The following PSD2 variants were observed in gnomAD, a reference collection of about 807,000 sequenced individuals.
PSD2 encodes PH and SEC7 domain-containing protein 2.
In PSD2, 38 loss-of-function variants were observed where a neutral mutation model predicts 69.8. That is an observed-to-expected ratio of 0.54 (90% CI 0.42 to 0.71). The LOEUF (loss-of-function observed/expected upper bound fraction) is 0.71. PSD2 is among the 30% of genes least tolerant of loss of function. PSD2 has a pLI of 0.00. For missense variants in PSD2, 943 were observed against 1,014.5 expected (o/e 0.93, Z 0.96); for synonymous variants, 412 against 423.0 (o/e 0.97, Z 0.32).
chr5:139,747,841 G>C, the PSD2 span, among the ~76,000 whole-genome samples: 3 of 152,234 alleles, frequency 2.0e-5, no homozygotes, highest in Admixed American at 1.3e-4. This position sits in a 1 kb window ranked among gnomAD's most constrained non-coding sequence, Gnocchi z 6.7. Flanking sequence ...AAGCAAGGAG[G>C]GGGTGTAGGG....
chr5:139,775,282 T>G, the PSD2 span: 6 of 151,734 alleles, frequency 4.0e-5, no homozygotes, highest in Non-Finnish European at 5.9e-5. Context: ...CTGCAGTACC[T>G]GGGAGGGCCG....
upstream of PSD2, among the ~76,000 whole-genome samples, chr5:139,793,484 C>T (rs1029151854): frequency 2.6e-5 from 4 of 152,182 alleles, no homozygotes; most frequent in South Asian, 2.1e-4. Flanking sequence ...GACTAGAACC[C>T]GGGTCTCCTT....
chr5:139,756,801 C>G, the PSD2 span, among the ~76,000 whole-genome samples: 1 of 152,214 alleles, frequency 6.6e-6, no homozygotes, highest in Non-Finnish European at 1.5e-5. Context: ...AGGCTATGCC[C>G]TGACTCAGTT....
chr5:139,812,907 G>A (rs985664133), intron 2 of PSD2, among the ~76,000 whole-genome samples: 3 of 152,190 alleles, frequency 2.0e-5, no homozygotes, highest in Admixed American at 6.5e-5. Flanking sequence ...TCCGTGGGCA[G>A]GAGTGTGAGT....
chr5:139,761,578 C>T, the PSD2 span, among the ~76,000 whole-genome samples: 1 of 152,228 alleles, frequency 6.6e-6, no homozygotes, highest in African/African-American at 2.4e-5. Context: ...AGTTCCCCTT[C>T]ACTCCTCCTC....
rs1356134218 is a variant in PSD2 at position 139,843,107 on chromosome 5, C to T, written c.*633C>T. Reference sequence around the variant, plus strand: ...ACACTGCCTCCTTTTTATACAGACACAAATATACATCTATAAGAATAATAT... The same window carrying T: ...ACACTGCCTCCTTTTTATACAGACATAAATATACATCTATAAGAATAATAT... On this transcript the variant is annotated 3_prime_UTR_variant, in exon 15 of 15. Transcript: ENST00000274710. The T allele has an allele frequency of 2.0e-5, 3 of 153,000 alleles. No individual in the cohort carries two copies. Among genetic ancestry groups the T allele is most frequent in the Admixed American group, 6.5e-5 (1 of 15,288 alleles). The allele number at this position is 153,000 out of a possible 1,614,324, so 9.5% of individuals were successfully genotyped here. A position where few individuals can be genotyped will look rare whatever the true frequency, so the allele number is the denominator to read the frequency against.
rs1017453449 is a variant in PSD2, at chr5:139,843,987, T to C, written c.*1513T>C. 1.3e-5 allele frequency: 2 copies of C among 152,252 alleles called. No homozygotes were observed. The highest frequency in any genetic ancestry group is 6.5e-5 in the Admixed American group (1 of 15,284). The allele number at this position is 152,252 out of a possible 1,614,324, so 9.4% of individuals were successfully genotyped here. A position where few individuals can be genotyped will look rare whatever the true frequency, so the allele number is the denominator to read the frequency against. On this transcript the variant is annotated 3_prime_UTR_variant, in exon 15 of 15. Transcript: ENST00000274710. ...CACTCACATTTGAGGCAAGGGGCTATTGAGTATGTGGAGAGATGTAGTGAT... is the reference window on the plus strand; with the variant it reads ...CACTCACATTTGAGGCAAGGGGCTACTGAGTATGTGGAGAGATGTAGTGAT...
At chr5:139,787,597 G>T in the PSD2 span, among the ~76,000 whole-genome samples, 7 of 152,254 alleles carry the variant, frequency 4.6e-5, no homozygotes, top group African/African-American at 1.7e-4. Context: ...GAGTCCGCCT[G>T]GTGCCGCGGG....
intron 1 of PSD2, among the ~76,000 whole-genome samples, chr5:139,798,506 C>T (rs1310815365): frequency 2.0e-5 from 3 of 152,230 alleles, no homozygotes; most frequent in Admixed American, 6.5e-5. Flanking sequence ...GAGCTCCCCT[C>T]TTTGGAACGT....
chr5:139,770,325 G>T, the PSD2 span, among the ~76,000 whole-genome samples: 1 of 152,200 alleles, frequency 6.6e-6, no homozygotes, highest in Non-Finnish European at 1.5e-5. Context: ...GGGGAGCTGA[G>T]GCAGGTGGAT....
Position 139,837,319 on chromosome 5 carries a change from C to T in PSD2, c.1665+81C>T. On this transcript the variant is annotated intron_variant, in intron 11 of 14. Coordinates refer to ENST00000274710, the MANE Select transcript of PSD2 (RefSeq NM_032289.4). The surrounding 1 kb of genome is among the most constrained non-coding windows in gnomAD (Gnocchi z 5.0). ...CCCTGGCCTTGTGGCACCCCGAAGC[C>T]CCAGGCAGGACCTGGGGCTCAGGCA... 7.3e-7 allele frequency: 1 copy of T among 1,361,886 alleles called. No individual in the cohort carries two copies. The highest frequency in any genetic ancestry group is 1.2e-5 in the South Asian group (1 of 83,500). The allele number at this position is 1,361,886 out of a possible 1,614,324, so 84.4% of individuals were successfully genotyped here.
upstream of PSD2, among the ~76,000 whole-genome samples, chr5:139,792,899 CTTCCTTCCTTCT>C (rs1168429891): frequency 8.5e-5 from 10 of 118,120 alleles, no homozygotes; most frequent in Non-Finnish European, 1.4e-4. Flanking sequence ...TCCTTCCTTC[CTTCCTTCCTTCT>C]TTCTTTCTTT....
Position 139,809,809 on chromosome 5 carries a change from G to A in PSD2, c.369G>A (p.Leu123=). Residue 123 remains leucine, a splice_region_variant and synonymous_variant, in exon 2 of 15, where the codon CTG becomes CTA. Transcript: ENST00000274710. ...SLYPDAEDPQ[L]GLDGPGEPDV... is the part of the protein sequence containing the mutation. Reference sequence around the variant, plus strand: ...ACCCAGATGCTGAGGACCCTCAGCTGGGGTGAGTGGATGTCTTGGGATGGG... The same window carrying A: ...ACCCAGATGCTGAGGACCCTCAGCTAGGGTGAGTGGATGTCTTGGGATGGG... 6.2e-7 allele frequency: 1 copy of A among 1,613,850 alleles called. No individual in the cohort carries two copies.
At chr5:139,796,392 G>C (rs1425652833) in intron 1 of PSD2, among the ~76,000 whole-genome samples, 1 of 152,228 alleles carries the variant, frequency 6.6e-6, no homozygotes, top group African/African-American at 2.4e-5. Flanking sequence ...GGGGATCGGG[G>C]CATTGGGTAC....
the PSD2 span, among the ~76,000 whole-genome samples, chr5:139,783,534 T>A: frequency 6.6e-6 from 1 of 152,208 alleles, no homozygotes; most frequent in Non-Finnish European, 1.5e-5. Flanking sequence ...ATATTGTTAA[T>A]CCATTCACCT....
Position 139,842,468 on chromosome 5 carries a change from T to C in PSD2, c.2310T>C (p.Asp770=). ...CCACAAAGGATGCCACTGGGCCTGA[T>C]ACTTAGCTGACATGGATTTGCAGAC... is the stretch of plus-strand genomic sequence containing the variant. ...SKTTKDATGP[D]T Residue 770 remains aspartate, a synonymous_variant, in exon 15 of 15, where the codon GAT becomes GAC. Coordinates refer to ENST00000274710, the MANE Select transcript of PSD2 (RefSeq NM_032289.4). 6.2e-7 allele frequency: 1 copy of C among 1,612,574 alleles called. No homozygotes were observed. The highest frequency in any genetic ancestry group is 8.5e-7 in the Non-Finnish European group (1 of 1,178,848).
Position 139,809,513 on chromosome 5 carries a change from G to A in PSD2, c.73G>A (p.Glu25Lys), listed in dbSNP as rs1392130989. The A allele has an allele frequency of 1.2e-6, 2 of 1,613,058 alleles. No homozygotes were observed. The highest frequency in any genetic ancestry group is 1.3e-5 in the African/African-American group (1 of 74,934). Residue 25 changes from glutamate to lysine, a missense_variant, in exon 2 of 15, where the codon GAA (glutamate) becomes AAA (lysine). By Grantham distance (56) the Glu-to-Lys change is moderately conservative. Coordinates refer to ENST00000274710, the MANE Select transcript of PSD2 (RefSeq NM_032289.4). ...DATRDPGPEP[E>K]EEPGVRNGMA... is the part of the protein sequence containing the mutation. ...CACCCGTGACCCCGGTCCAGAGCCTGAAGAGGAGCCAGGGGTCCGGAATGG... is the reference window on the plus strand; with the variant it reads ...CACCCGTGACCCCGGTCCAGAGCCTAAAGAGGAGCCAGGGGTCCGGAATGG...
intron 7 of PSD2, among the ~76,000 whole-genome samples, chr5:139,830,689 CTTT>C (rs56877686): frequency 3.2e-5 from 2 of 63,306 alleles, no homozygotes; most frequent in African/African-American, 5.5e-5. Flanking sequence ...TCTTTCTTTT[CTTT>C]TTTTTTTTTT....
chr5:139,832,418 G>T (rs1760618572), intron 7 of PSD2, among the ~76,000 whole-genome samples: 1 of 152,214 alleles, frequency 6.6e-6, no homozygotes, highest in African/African-American at 2.4e-5. Flanking sequence ...TTGCTTGTCA[G>T]CTACTTATAA....
Sources: gnomAD v4.1 joint callset for allele counts (sites outside exome capture counted in the v4.1 genomes callset) on GRCh38, gnomAD v4.1.1 for gene constraint, Gnocchi (gnomAD v3.1) non-coding constraint, MANE v1.5 for transcripts, NCBI Gene and HGNC (gene_info 2026-07-23, HGNC 2026-07-21) for gene names.